The following OPCML variants were observed in gnomAD, a reference collection of about 807,000 sequenced individuals.
The protein encoded by OPCML is opioid-binding protein/cell adhesion molecule.
Under a neutral mutation model 37.8 loss-of-function variants are expected in OPCML, and 13 were observed. The observed-to-expected ratio is 0.34, with a 90% confidence interval of 0.22 to 0.55. The LOEUF is 0.55. Ranked by LOEUF, OPCML falls within the 20% of genes least tolerant of loss-of-function variation. The pLI, the probability that OPCML is intolerant of heterozygous loss-of-function variation, is 0.91. For synonymous variants in OPCML, 176 were observed against 168.8 expected (o/e 1.04, Z -0.33); for missense variants, 341 against 435.6 (o/e 0.78, Z 1.93).
intron 1 of OPCML, among the ~76,000 whole-genome samples, chr11:133,166,276 CTAGGAGCTGTTA>C (rs1285150244): frequency 3.9e-5 from 6 of 152,190 alleles, no homozygotes; most frequent in Non-Finnish European, 1.5e-5. Flanking sequence ...TTCCTAGGTG[CTAGGAGCTGTTA>C]TATGTCCCTT....
At chr11:132,508,727 GT>G (rs1393006087) in intron 4 of OPCML, among the ~76,000 whole-genome samples, 1 of 152,154 alleles carries the variant, frequency 6.6e-6, no homozygotes, top group Non-Finnish European at 1.5e-5. Context: ...TCACCACCAT[GT>G]AAGAAGTGCC....
chr11:132,514,422 A>C (rs1312475681), intron 4 of OPCML, among the ~76,000 whole-genome samples: 1 of 152,154 alleles, frequency 6.6e-6, no homozygotes, highest in Non-Finnish European at 1.5e-5. Flanking sequence ...GGAGAGAAGG[A>C]GTATCAGGAT....
chr11:133,289,534 G>T (rs1043330736), intron 1 of OPCML, among the ~76,000 whole-genome samples: 1 of 145,490 alleles, frequency 6.9e-6, no homozygotes, highest in South Asian at 2.2e-4. Flanking sequence ...GGCGGAGCTT[G>T]CAGTGAGCCG....
At chr11:132,859,847 T>C (rs1348901192) in intron 2 of OPCML, among the ~76,000 whole-genome samples, 1 of 152,230 alleles carries the variant, frequency 6.6e-6, no homozygotes, top group African/African-American at 2.4e-5. Flanking sequence ...TTCATTTCCA[T>C]CATTTTCTCA....
At chr11:132,602,776 C>G (rs1433712866) in intron 3 of OPCML, among the ~76,000 whole-genome samples, 1 of 152,222 alleles carries the variant, frequency 6.6e-6, no homozygotes, top group African/African-American at 2.4e-5. Context: ...TGTAGAACAA[C>G]CTTAGCGTCC....
At chr11:133,172,452 A>G (rs548096709) in intron 1 of OPCML, among the ~76,000 whole-genome samples, 2 of 152,324 alleles carry the variant, frequency 1.3e-5, no homozygotes, top group African/African-American at 4.8e-5. Context: ...TTAAAATAAG[A>G]GAAGACAGTG....
chr11:132,928,099 A>T (rs1945062647), intron 2 of OPCML, among the ~76,000 whole-genome samples: 1 of 152,040 alleles, frequency 6.6e-6, no homozygotes, highest in South Asian at 2.1e-4. Flanking sequence ...AATATATAAC[A>T]AAACAGCATA....
chr11:132,905,187 C>T (rs143691921), intron 2 of OPCML, among the ~76,000 whole-genome samples: 107 of 149,232 alleles, frequency 7.2e-4, no homozygotes, highest in African/African-American at 2.4e-3. Context: ...GTGTCTATCT[C>T]ACAGATCAAG....
At chr11:132,899,421 T>A (rs1377731711) in intron 2 of OPCML, among the ~76,000 whole-genome samples, 5 of 151,952 alleles carry the variant, frequency 3.3e-5, no homozygotes, top group Non-Finnish European at 7.3e-5. Flanking sequence ...TAATTTTACA[T>A]CATAGTGTTT....
chr11:132,458,535 C>G (rs1177037125), intron 4 of OPCML, among the ~76,000 whole-genome samples: 1 of 152,132 alleles, frequency 6.6e-6, no homozygotes, highest in Admixed American at 6.5e-5. Context: ...CCTCAGGACC[C>G]CATGACATTC....
intron 3 of OPCML, among the ~76,000 whole-genome samples, chr11:132,593,160 T>C (rs1008030207): frequency 2.0e-5 from 3 of 152,182 alleles, no homozygotes; most frequent in Admixed American, 1.3e-4. Context: ...GGCAGGAGCC[T>C]GTGTGAAGGT....
chr11:133,514,737 G>A (rs1490383473), intron 1 of OPCML, among the ~76,000 whole-genome samples: 2 of 152,098 alleles, frequency 1.3e-5, no homozygotes, highest in East Asian at 3.9e-4. Context: ...TTTAAATACT[G>A]CCTTTTAGTT....
intron 1 of OPCML, among the ~76,000 whole-genome samples, chr11:133,241,215 C>A (rs1311548637): frequency 6.6e-6 from 1 of 152,222 alleles, no homozygotes; most frequent in Non-Finnish European, 1.5e-5. Context: ...TCCAATGCTT[C>A]CTCCATCGTT....
intron 1 of OPCML, among the ~76,000 whole-genome samples, chr11:133,202,247 T>C (rs7948052): frequency 0.22 from 32,738 of 152,066 alleles, 3,830 homozygotes; most frequent in Middle Eastern, 0.34. Context: ...CTGCACTAGG[T>C]TGGGTAGATG....
At chr11:133,526,102 G>A (rs557692170) in intron 1 of OPCML, among the ~76,000 whole-genome samples, 31 of 152,324 alleles carry the variant, frequency 2.0e-4, no homozygotes, top group South Asian at 4.1e-4. Context: ...GCGACAGGAC[G>A]TGATGGGAGA....
rs181563346 is a variant in OPCML, at chr11:132,799,252, A to T, written c.147-141933T>A. ...TTGAGTGCAGCCGCCTTTACCAGTG[A>T]TCTTAGCTAGATCTCTGGATAACTT... On this transcript the variant is annotated intron_variant, in intron 2 of 7. Transcript: ENST00000524381. Among the ~76,000 whole-genome samples the T allele has an allele frequency of 3.2e-4, 48 of 152,280 alleles. No homozygotes were observed. The East Asian group carries it at 9.1e-3, about 29-fold the overall frequency.
intron 2 of OPCML, among the ~76,000 whole-genome samples, chr11:132,760,123 A>C (rs1946208116): frequency 1.3e-5 from 2 of 152,172 alleles, no homozygotes; most frequent in Non-Finnish European, 2.9e-5. Context: ...TGAGTTTCTT[A>C]ATCCTGAGTT....
At chr11:133,421,116 T>A (rs1006465825) in intron 1 of OPCML, 6 of 985,310 alleles carry the variant, frequency 6.1e-6, no homozygotes, top group Non-Finnish European at 6.0e-6. Context: ...TGTTACCAAA[T>A]GTTCTCCAAG....
intron 1 of OPCML, chr11:133,066,939 A>G (rs1948451057): frequency 6.6e-6 from 1 of 152,182 alleles, no homozygotes; most frequent in Admixed American, 6.5e-5. Context: ...TCAGCCTCCC[A>G]AGGTGTTGGG....
Sources: gnomAD v4.1 joint callset for allele counts (sites outside exome capture counted in the v4.1 genomes callset) on GRCh38, gnomAD v4.1.1 for gene constraint, MANE v1.5 for transcripts, NCBI Gene and HGNC (gene_info 2026-07-23, HGNC 2026-07-21) for gene names.